ABCG1: variants seen among roughly 807,000 people sequenced by gnomAD.
ABCG1 encodes ATP-binding cassette sub-family G member 1.
In ABCG1, 29 loss-of-function variants were observed where a neutral mutation model predicts 69.2. The observed-to-expected ratio is 0.42, with a 90% CI of 0.31 to 0.57. ABCG1 has a LOEUF of 0.57. Among genes scored for constraint, ABCG1 ranks in the 20% least tolerant of loss-of-function variants. ABCG1 has a pLI of 0.15. For synonymous variants in ABCG1, 370 were observed against 374.8 expected, an observed-to-expected ratio of 0.99 and a Z score of 0.15; for missense variants, 718 against 898.1, an observed-to-expected ratio of 0.80 and a Z score of 2.56.
chr21:42,277,263 C>G (rs377155178), intron 5 of ABCG1, among the ~76,000 whole-genome samples: 18 of 152,012 alleles, frequency 1.2e-4, no homozygotes, highest in African/African-American at 4.1e-4. Context: ...AGAGTGCTGC[C>G]CTTTTAGTGT....
intron 1 of ABCG1, among the ~76,000 whole-genome samples, chr21:42,201,423 G>A (rs2067505281): frequency 6.6e-6 from 1 of 152,164 alleles, no homozygotes; most frequent in South Asian, 2.1e-4. Context: ...TCCCTCGCTT[G>A]CCGCTCACCT....
intron 6 of ABCG1, among the ~76,000 whole-genome samples, chr21:42,283,693 C>T (rs996623914): frequency 0.013 from 1,565 of 116,618 alleles, 45 homozygotes; most frequent in Non-Finnish European, 0.016. Flanking sequence ...ACCTCTTTCC[C>T]ACCTGGACAG....
intron 2 of ABCG1, among the ~76,000 whole-genome samples, chr21:42,268,902 G>A (rs948929559): frequency 1.3e-5 from 2 of 152,188 alleles, no homozygotes; most frequent in Non-Finnish European, 2.9e-5. Flanking sequence ...TCCAGCCAGG[G>A]TGATCATCGG....
At chr21:42,232,023 C>A (rs1027832223) in intron 2 of ABCG1, among the ~76,000 whole-genome samples, 2 of 152,160 alleles carry the variant, frequency 1.3e-5, no homozygotes, top group Admixed American at 6.5e-5. Flanking sequence ...CCCGCTGGGG[C>A]CAGTTCCTAG....
chr21:42,273,356 G>C lies in ABCG1; in HGVS notation c.458G>C (p.Arg153Pro). ...ATCAACGGCCTGCCCCGGGACCTGCGCTGCTTCCGGAAGGTGTCCTGCTAC... is the reference window on the plus strand; with the variant it reads ...ATCAACGGCCTGCCCCGGGACCTGCCCTGCTTCCGGAAGGTGTCCTGCTAC... The part of the protein sequence containing the change: ...VLINGLPRDL[R>P]CFRKVSCYIM... Residue 153 changes from arginine to proline, a missense_variant, in exon 4 of 15, where the codon CGC becomes CCC. By Grantham distance (103) the Arg-to-Pro change is moderately radical. Coordinates refer to ENST00000398449, the MANE Select transcript of ABCG1 (RefSeq NM_016818.3). This position sits in a 1 kb window ranked among gnomAD's most constrained non-coding sequence, Gnocchi z 5.3. 6.2e-7 allele frequency: 1 copy of C among 1,613,828 alleles called. No individual in the cohort carries two copies. The highest frequency in any genetic ancestry group is 8.5e-7 in the Non-Finnish European group (1 of 1,179,990).
At chr21:42,210,715 C>T (rs1043589196) in intron 2 of ABCG1, among the ~76,000 whole-genome samples, 2 of 146,490 alleles carry the variant, frequency 1.4e-5, no homozygotes, top group Non-Finnish European at 3.0e-5. Flanking sequence ...TCTGCCGCCC[C>T]CCTCCCTCCA....
At chr21:42,260,724 G>A (rs1286082945) in intron 2 of ABCG1, among the ~76,000 whole-genome samples, 1 of 152,138 alleles carries the variant, frequency 6.6e-6, no homozygotes. Flanking sequence ...AGGCATCCCA[G>A]AAACTGAACA....
intron 6 of ABCG1, among the ~76,000 whole-genome samples, chr21:42,283,308 T>C (rs1464323404): frequency 6.6e-6 from 1 of 152,176 alleles, no homozygotes; most frequent in Non-Finnish European, 1.5e-5. Context: ...GAGACCACAA[T>C]GAACCCTTGA....
At chr21:42,204,974 C>T (rs1359273790) in intron 2 of ABCG1, among the ~76,000 whole-genome samples, 1 of 149,672 alleles carries the variant, frequency 6.7e-6, no homozygotes. Flanking sequence ...TAGAATTCTC[C>T]AGTGATATCA....
At chr21:42,232,806 A>C (rs917060686) in intron 2 of ABCG1, among the ~76,000 whole-genome samples, 4 of 152,238 alleles carry the variant, frequency 2.6e-5, no homozygotes, top group South Asian at 2.1e-4. Context: ...GCTGAACATG[A>C]CACCGTTTCT....
At chr21:42,220,724 T>C (rs1391766337) in intron 1 of ABCG1, among the ~76,000 whole-genome samples, 1 of 152,270 alleles carries the variant, frequency 6.6e-6, no homozygotes, top group Non-Finnish European at 1.5e-5. Context: ...ACACTTGCTT[T>C]TCTCTGGTTG....
intron 2 of ABCG1, among the ~76,000 whole-genome samples, chr21:42,240,404 A>G (rs1438295731): frequency 6.6e-6 from 1 of 152,244 alleles, no homozygotes; most frequent in Non-Finnish European, 1.5e-5. Flanking sequence ...GTGAACTTGA[A>G]ACATTAAAAT....
rs148611320 is a variant in ABCG1, at chr21:42,282,744, G to T, written c.734+325G>T. 8.0e-3 allele frequency among the ~76,000 whole-genome samples: 1,214 copies of T among 152,336 alleles called. 11 individuals are homozygous for T. Among genetic ancestry groups the T allele is most frequent in the Middle Eastern group, 0.017 (5 of 292 alleles). On this transcript the variant is annotated intron_variant, in intron 6 of 14. Coordinates refer to ENST00000398449, the MANE Select transcript of ABCG1 (RefSeq NM_016818.3). ...ACTCTGAGGGCCAAGGTCATGGGAC[G>T]ACCTGGGAAACGGTGTGTCTTCAGG... is the stretch of plus-strand genomic sequence containing the variant.
intron 2 of ABCG1, among the ~76,000 whole-genome samples, chr21:42,253,808 G>A (rs886109582): frequency 2.6e-5 from 4 of 152,142 alleles, no homozygotes; most frequent in Admixed American, 6.5e-5. Flanking sequence ...TGAGGAGGTC[G>A]TGTGTGCCTC....
In ABCG1 at chr21:42,288,098, G is replaced by C; in HGVS notation, c.1122+61G>C. 1 of 1,606,866 alleles carries C rather than the reference G, an allele frequency of 6.2e-7. No homozygotes were observed. The highest frequency in any genetic ancestry group is 8.5e-7 in the Non-Finnish European group (1 of 1,174,106). On this transcript the variant is annotated intron_variant, in intron 9 of 14. Coordinates refer to ENST00000398449, the MANE Select transcript of ABCG1 (RefSeq NM_016818.3). The surrounding 1 kb of genome is among the most constrained non-coding windows in gnomAD (Gnocchi z 4.8). Reference sequence around the variant, plus strand: ...GGTAATGCAAATCCCGAAGCCCCCTGGGGGAGGCTGCACGTGGCACCGTGC... The same window carrying C: ...GGTAATGCAAATCCCGAAGCCCCCTCGGGGAGGCTGCACGTGGCACCGTGC...
intron 2 of ABCG1, among the ~76,000 whole-genome samples, chr21:42,209,436 G>A (rs756057493): frequency 5.9e-5 from 9 of 152,198 alleles, no homozygotes; most frequent in Admixed American, 2.0e-4. Context: ...GCTAGGCTCC[G>A]TGCTGGGAAT....
chr21:42,204,219 A>T (rs1038726031), intron 2 of ABCG1, among the ~76,000 whole-genome samples: 8 of 152,040 alleles, frequency 5.3e-5, no homozygotes, highest in Admixed American at 1.3e-4. Flanking sequence ...TTCCCTTTCC[A>T]ATCTGTCTGC....
rs118036536 is a variant in ABCG1 at position 42,262,217 on chromosome 21, G to C, written c.287-8853G>C. ...GGAAGCATACTTCCTAGCAGAGGCT[G>C]CAAGGAGTCCTTCATGTAAACAGGG... On this transcript the variant is annotated intron_variant, in intron 2 of 14. Coordinates refer to ENST00000398449, the MANE Select transcript of ABCG1 (RefSeq NM_016818.3). 4.5e-4 allele frequency among the ~76,000 whole-genome samples: 69 copies of C among 152,284 alleles called. No homozygotes were observed. The East Asian group carries it at 8.1e-3, about 18-fold the overall frequency.
intron 1 of ABCG1, among the ~76,000 whole-genome samples, chr21:42,224,337 AG>A (rs1405997162): frequency 7.2e-5 from 11 of 152,200 alleles, no homozygotes; most frequent in Admixed American, 7.2e-4. Flanking sequence ...GCCCTGCCAC[AG>A]GGGCATTGGG....
Sources: allele counts gnomAD v4.1 joint callset (sites outside exome capture counted in the v4.1 genomes callset), GRCh38; gene constraint gnomAD v4.1.1; non-coding constraint Gnocchi (gnomAD v3.1); transcripts MANE v1.5; gene names NCBI Gene and HGNC (gene_info 2026-07-23, HGNC 2026-07-21).